Variants in COG5 observed in about 807,000 individuals in gnomAD.
COG5 encodes the protein conserved oligomeric Golgi complex subunit 5.
A neutral mutation model predicts 110.4 loss-of-function variants in COG5; 86 were observed. The ratio of observed to expected loss-of-function variants is 0.78; its 90% CI spans 0.65 to 0.93. COG5 has a LOEUF of 0.93. Among genes scored for constraint, COG5 ranks in the 40% least tolerant of loss-of-function variants. The probability of loss-of-function intolerance (pLI) is 0.00; values close to 1 mark genes in which losing one functional copy is unlikely to be tolerated. For missense variants in COG5, 1,077 were observed against 987.0 expected (o/e 1.09, Z -1.22); for synonymous variants, 360 against 334.6 (o/e 1.08, Z -0.83).
At chr7:107,545,029 T>G (rs902724169) in intron 5 of COG5, among the ~76,000 whole-genome samples, 1 of 152,082 alleles carries the variant, frequency 6.6e-6, no homozygotes, top group Non-Finnish European at 1.5e-5. Flanking sequence ...AACAGTAGAC[T>G]CAATCACATA....
intron 7 of COG5, among the ~76,000 whole-genome samples, chr7:107,407,074 C>G (rs1429998849): frequency 6.6e-6 from 1 of 152,046 alleles, no homozygotes; most frequent in East Asian, 1.9e-4. Flanking sequence ...ATAATTTGAG[C>G]AATCATCCTT....
chr7:107,485,189 C>A (rs1223958741), intron 6 of COG5, among the ~76,000 whole-genome samples: 1 of 152,194 alleles, frequency 6.6e-6, no homozygotes, highest in African/African-American at 2.4e-5. Context: ...AGACTAAAAT[C>A]TCGAGAATGC....
At chr7:107,510,316 G>A (rs1040552275) in intron 6 of COG5, among the ~76,000 whole-genome samples, 2 of 152,082 alleles carry the variant, frequency 1.3e-5, no homozygotes, top group African/African-American at 4.8e-5. Flanking sequence ...ATTACATAAT[G>A]GTAAAGGGAT....
intron 6 of COG5, among the ~76,000 whole-genome samples, chr7:107,518,622 T>C (rs1418794447): frequency 6.6e-6 from 1 of 152,148 alleles, no homozygotes; most frequent in African/African-American, 2.4e-5. Flanking sequence ...ATCCTAAATA[T>C]ATATACACCC....
In COG5 at chr7:107,258,324, T is replaced by A. The variant is rs1562937094; in HGVS notation, c.1635A>T (p.Arg545Ser). ...ACAATGAATTCACTACTGCCACATTTCTTCTCTGTCCTTCAGTAAGAGGCC... is the reference window on the plus strand; with the variant it reads ...ACAATGAATTCACTACTGCCACATTACTTCTCTGTCCTTCAGTAAGAGGCC... ...VIGPLTEGQR[R>S]NVAVVNSLYK... Residue 545 changes from arginine (R) to serine (S), a missense_variant, in exon 15 of 22, where the codon AGA (arginine) becomes AGT (serine). By Grantham distance (110) the Arg-to-Ser change is moderately radical. Transcript: ENST00000297135. 10 of 1,613,492 alleles carry A rather than the reference T, an allele frequency of 6.2e-6. No individual in the cohort carries two copies. The highest frequency in any genetic ancestry group is 8.5e-6 in the Non-Finnish European group (10 of 1,179,488).
At chr7:107,490,386 G>GA (rs1312330851) in intron 6 of COG5, among the ~76,000 whole-genome samples, 3 of 152,142 alleles carry the variant, frequency 2.0e-5, no homozygotes, top group Non-Finnish European at 2.9e-5. Flanking sequence ...CTTGTTCCCA[G>GA]AAAAATATGC....
chr7:107,407,913 G>A (rs1791979330), intron 7 of COG5, among the ~76,000 whole-genome samples: 1 of 152,164 alleles, frequency 6.6e-6, no homozygotes, highest in African/African-American at 2.4e-5. Flanking sequence ...GTTACAGTTT[G>A]AGATTTATAA....
At position 107,506,878 on chromosome 7, in the gene COG5, T is replaced by C. The variant is rs752025509; in HGVS notation, c.538+20359A>G. Reference sequence around the variant, plus strand: ...CATTCGAGGTTATCATGAAATTCAGTTGGGAGGTTCTTTCAACCTGTGACT... The same window carrying C: ...CATTCGAGGTTATCATGAAATTCAGCTGGGAGGTTCTTTCAACCTGTGACT... On this transcript the variant is annotated intron_variant, in intron 6 of 21. Coordinates refer to ENST00000297135, the MANE Select transcript of COG5 (RefSeq NM_006348.5). Among the ~76,000 whole-genome samples, 12 of 152,262 alleles carry C rather than the reference T, an allele frequency of 7.9e-5. No homozygotes were observed. The South Asian group carries it at 8.3e-4, about 11-fold the overall frequency.
intron 11 of COG5, among the ~76,000 whole-genome samples, chr7:107,319,524 A>C (rs539367657): frequency 2.6e-5 from 4 of 152,298 alleles, no homozygotes; most frequent in African/African-American, 9.6e-5. Context: ...CGGTGATTTT[A>C]GCGTTCAATT....
At chr7:107,499,747 A>G (rs1287754357) in intron 6 of COG5, among the ~76,000 whole-genome samples, 3 of 152,116 alleles carry the variant, frequency 2.0e-5, no homozygotes, top group Non-Finnish European at 4.4e-5. Flanking sequence ...TTAAAGAGGG[A>G]ACTGGAGTCT....
At chr7:107,376,737 T>A (rs1217012158) in intron 7 of COG5, among the ~76,000 whole-genome samples, 1 of 152,046 alleles carries the variant, frequency 6.6e-6, no homozygotes, top group East Asian at 1.9e-4. Context: ...ATCCCTAATA[T>A]CAAATGGAAA....
chr7:107,468,773 A>G lies in COG5; in HGVS notation c.539-56141T>C, dbSNP rs183387717. On this transcript the variant is annotated intron_variant, in intron 6 of 21. Transcript: ENST00000297135. The stretch of plus-strand genomic sequence containing the variant: ...CAATTGCAAATAAAAACCAGTATAC[A>G]TTTTGAAAAATGAAGGTCACTAAAT... 1.6e-3 allele frequency among the ~76,000 whole-genome samples: 243 copies of G among 152,254 alleles called. 1 individual carries two copies. The highest frequency in any genetic ancestry group is 3.4e-3 in the Middle Eastern group (1 of 292).
At chr7:107,408,897 C>G (rs1311148962) in intron 7 of COG5, among the ~76,000 whole-genome samples, 1 of 152,092 alleles carries the variant, frequency 6.6e-6, no homozygotes, top group Non-Finnish European at 1.5e-5. Flanking sequence ...CTGAGAGGCT[C>G]AGATTATGGT....
intron 12 of COG5, among the ~76,000 whole-genome samples, chr7:107,290,847 G>GGT (rs34003894): frequency 0.16 from 24,382 of 151,966 alleles, 2,334 homozygotes; most frequent in Non-Finnish European, 0.22. Context: ...GTAAAGACAG[G>GGT]GTCTCACTAT....
At chr7:107,426,546 A>G (rs1452725078) in intron 6 of COG5, among the ~76,000 whole-genome samples, 1 of 152,160 alleles carries the variant, frequency 6.6e-6, no homozygotes, top group East Asian at 1.9e-4. Context: ...GTAGGCTTGT[A>G]TCCTCATATG....
At chr7:107,394,176 C>T (rs1431773496) in intron 7 of COG5, among the ~76,000 whole-genome samples, 1 of 151,728 alleles carries the variant, frequency 6.6e-6, no homozygotes, top group Non-Finnish European at 1.5e-5. Flanking sequence ...TGTTAGCCAG[C>T]ATGGTGTCGA....
chr7:107,539,123 A>C (rs1801798116), intron 5 of COG5, among the ~76,000 whole-genome samples: 1 of 152,110 alleles, frequency 6.6e-6, no homozygotes, highest in Admixed American at 6.6e-5. Flanking sequence ...AAAAAAAATT[A>C]AAATTTAAAA....
At chr7:107,322,535 C>T (rs1182405786) in intron 11 of COG5, among the ~76,000 whole-genome samples, 1 of 152,118 alleles carries the variant, frequency 6.6e-6, no homozygotes, top group Non-Finnish European at 1.5e-5. Context: ...AAAACTAGTA[C>T]ACACCCACTG....
intron 11 of COG5, among the ~76,000 whole-genome samples, chr7:107,320,033 C>A (rs1404359489): frequency 6.6e-6 from 1 of 152,126 alleles, no homozygotes; most frequent in East Asian, 1.9e-4. Context: ...AAAGAGTGAA[C>A]ACTCTGATGT....
Sources: allele counts gnomAD v4.1 joint callset (sites outside exome capture counted in the v4.1 genomes callset), GRCh38; gene constraint gnomAD v4.1.1; transcripts MANE v1.5; gene names NCBI Gene and HGNC (gene_info 2026-07-23, HGNC 2026-07-21).